Variants in EBF2 observed in about 807,000 individuals in gnomAD.
The protein encoded by EBF2 is transcription factor COE2.
In EBF2, 21 loss-of-function variants were observed where a neutral mutation model predicts 72.8. That is an observed-to-expected ratio of 0.29 (90% CI 0.20 to 0.42). EBF2 has a LOEUF of 0.42. Ranked by LOEUF, EBF2 falls within the 10% of genes least tolerant of loss-of-function variation. The pLI is 1.00. For synonymous variants in EBF2, 299 were observed against 274.2 expected, an observed-to-expected ratio of 1.09 and a Z score of -0.89; for missense variants, 637 against 731.2, an observed-to-expected ratio of 0.87 and a Z score of 1.49.
At chr8:25,980,031 G>T (rs1804334446) in intron 6 of EBF2, among the ~76,000 whole-genome samples, 1 of 152,144 alleles carries the variant, frequency 6.6e-6, no homozygotes. Flanking sequence ...GACTCACACA[G>T]GCTAATAAAA....
intron 10 of EBF2, among the ~76,000 whole-genome samples, chr8:25,873,815 T>C (rs1198625003): frequency 2.0e-5 from 3 of 152,236 alleles, no homozygotes. Flanking sequence ...GGAGCAGTTA[T>C]AAATACACTC....
At chr8:25,990,651 T>C (rs1341242455) in intron 6 of EBF2, among the ~76,000 whole-genome samples, 5 of 152,198 alleles carry the variant, frequency 3.3e-5, no homozygotes, top group Non-Finnish European at 5.9e-5. Flanking sequence ...TCAGCCCATG[T>C]CTTCTTAGAT....
intron 14 of EBF2, among the ~76,000 whole-genome samples, chr8:25,854,197 T>TAAAC (rs1481731859): frequency 7.3e-6 from 1 of 136,892 alleles, no homozygotes; most frequent in Non-Finnish European, 1.5e-5. Context: ...GTACTACTTA[T>TAAAC]AAACAAAGTT....
chr8:25,930,165 C>T (rs1216209089), intron 6 of EBF2, among the ~76,000 whole-genome samples: 1 of 152,156 alleles, frequency 6.6e-6, no homozygotes, highest in Non-Finnish European at 1.5e-5. Flanking sequence ...CTCCAGGGCT[C>T]ATCCAGAATC....
intron 15 of EBF2, among the ~76,000 whole-genome samples, chr8:25,846,153 C>A (rs958034317): frequency 6.6e-6 from 1 of 152,116 alleles, no homozygotes; most frequent in Non-Finnish European, 1.5e-5. Flanking sequence ...TCAATAAAGG[C>A]GGTTCAATTC....
chr8:25,940,804 A>G (rs1006370015), intron 6 of EBF2, among the ~76,000 whole-genome samples: 3 of 152,098 alleles, frequency 2.0e-5, no homozygotes, highest in African/African-American at 7.2e-5. Context: ...GATTTCATTC[A>G]TTGCATTTTC....
chr8:26,011,436 C>T (rs1299227287), intron 6 of EBF2, among the ~76,000 whole-genome samples: 1 of 144,356 alleles, frequency 6.9e-6, no homozygotes, highest in African/African-American at 2.6e-5. Flanking sequence ...CTATTGGATT[C>T]CCAATAAACA....
chr8:25,955,103 A>C (rs921074135), intron 6 of EBF2, among the ~76,000 whole-genome samples: 2 of 152,206 alleles, frequency 1.3e-5, no homozygotes, highest in African/African-American at 4.8e-5. Flanking sequence ...TGCGGCAGAC[A>C]CAAGAAACCA....
At chr8:25,870,521 T>C (rs745976407) in intron 10 of EBF2, among the ~76,000 whole-genome samples, 8 of 152,134 alleles carry the variant, frequency 5.3e-5, no homozygotes, top group Non-Finnish European at 1.0e-4. Flanking sequence ...CCTTATCCCT[T>C]AGTCCTTCCT....
chr8:26,020,269 C>A (rs935204631), intron 6 of EBF2, among the ~76,000 whole-genome samples: 2 of 152,160 alleles, frequency 1.3e-5, no homozygotes, highest in Non-Finnish European at 2.9e-5. Context: ...GGGGAAGGAG[C>A]TTTATGAACA....
At chr8:26,034,496 G>A (rs1805464233) in intron 5 of EBF2, among the ~76,000 whole-genome samples, 1 of 152,332 alleles carries the variant, frequency 6.6e-6, no homozygotes, top group African/African-American at 2.4e-5. Flanking sequence ...TAGGACCTGA[G>A]AGGGGTGCAA....
chr8:25,949,309 C>A (rs1450844184), intron 6 of EBF2, among the ~76,000 whole-genome samples: 1 of 152,182 alleles, frequency 6.6e-6, no homozygotes, highest in African/African-American at 2.4e-5. Flanking sequence ...ATGCTGTCTT[C>A]CCCTTTTCAG....
At chr8:25,866,607 G>C (rs1018205703) in intron 10 of EBF2, among the ~76,000 whole-genome samples, 1 of 132,684 alleles carries the variant, frequency 7.5e-6, no homozygotes, top group Non-Finnish European at 1.6e-5. Context: ...ATAATATAAT[G>C]TTTATATTAT....
chr8:25,964,670 C>T (rs1183327622), intron 6 of EBF2, among the ~76,000 whole-genome samples: 1 of 152,134 alleles, frequency 6.6e-6, no homozygotes, highest in Non-Finnish European at 1.5e-5. Flanking sequence ...TGTTCATTCC[C>T]AGAGAGGAGA....
At chr8:25,916,599 C>T (rs953478071) in intron 6 of EBF2, among the ~76,000 whole-genome samples, 7 of 152,056 alleles carry the variant, frequency 4.6e-5, no homozygotes, top group Non-Finnish European at 1.0e-4. Context: ...ATATACTACA[C>T]TGGAAGAACT....
At chr8:25,915,977 G>T (rs1397353472) in intron 6 of EBF2, among the ~76,000 whole-genome samples, 2 of 152,048 alleles carry the variant, frequency 1.3e-5, no homozygotes, top group Admixed American at 1.3e-4. Context: ...AAAAATTAGG[G>T]ACTTTCAGTA....
At position 25,896,176 on chromosome 8, in the gene EBF2, C is replaced by T. The variant is rs146787171; in HGVS notation, c.634-6307G>A. 7.5e-4 allele frequency among the ~76,000 whole-genome samples: 114 copies of T among 152,270 alleles called. 1 individual carries two copies. In the East Asian group the frequency reaches 0.017, roughly 23 times the overall value. On this transcript the variant is annotated intron_variant, in intron 7 of 15. Coordinates refer to ENST00000520164, the MANE Select transcript of EBF2 (RefSeq NM_022659.4). Reference sequence around the variant, plus strand: ...CAAATGATCTGCTCTTTGAAACAGACGACAATTCCAATGTCTGCAGTCACT... The same window carrying T: ...CAAATGATCTGCTCTTTGAAACAGATGACAATTCCAATGTCTGCAGTCACT...
intron 15 of EBF2, among the ~76,000 whole-genome samples, chr8:25,848,912 T>C (rs1473668672): frequency 6.6e-6 from 1 of 152,126 alleles, no homozygotes; most frequent in Non-Finnish European, 1.5e-5. Context: ...GAAGAGGTCA[T>C]GGGGAAGAGG....
intron 10 of EBF2, among the ~76,000 whole-genome samples, chr8:25,871,708 C>T (rs553914841): frequency 5.3e-4 from 81 of 152,292 alleles, no homozygotes; most frequent in African/African-American, 1.8e-3. Flanking sequence ...CACATTTCAA[C>T]TGCCACAGAA....
Sources: gnomAD v4.1 joint callset for allele counts (sites outside exome capture counted in the v4.1 genomes callset) on GRCh38, gnomAD v4.1.1 for gene constraint, MANE v1.5 for transcripts, NCBI Gene and HGNC (gene_info 2026-07-23, HGNC 2026-07-21) for gene names.